Variants in ANKRD31 observed in about 807,000 individuals in gnomAD.
ANKRD31 encodes the protein ankyrin repeat domain 31, also known as ankyrin repeat domain-containing protein 31.
In ANKRD31, 147 loss-of-function variants were observed where a neutral mutation model predicts 186.0. The observed-to-expected ratio is 0.79, with a 90% CI of 0.69 to 0.91. The LOEUF (loss-of-function observed/expected upper bound fraction) is 0.91, where lower values mean the gene tolerates loss of function less well. Among genes scored for constraint, ANKRD31 ranks in the 40% least tolerant of loss-of-function variants. The pLI is 0.00. For synonymous variants in ANKRD31, 673 were observed against 736.4 expected, an observed-to-expected ratio of 0.91 and a Z score of 1.39; for missense variants, 1,986 against 2,148.8, an observed-to-expected ratio of 0.92 and a Z score of 1.50.
intron 11 of ANKRD31, among the ~76,000 whole-genome samples, chr5:75,155,596 G>A (rs1012551598): frequency 6.6e-6 from 1 of 152,056 alleles, no homozygotes; most frequent in East Asian, 1.9e-4. Context: ...GTATTGTTTA[G>A]TAAAAGAATG....
At chr5:75,224,007 T>G (rs564022704) in intron 2 of ANKRD31, among the ~76,000 whole-genome samples, 21 of 151,702 alleles carry the variant, frequency 1.4e-4, no homozygotes, top group Admixed American at 5.9e-4. Context: ...CCTCCAGAAC[T>G]GTGAAAAATA....
In ANKRD31 at chr5:75,206,476, T is replaced by C. The variant is rs747833947; in HGVS notation, c.338A>G (p.Asn113Ser). The change falls in exon 5 of 26, where the codon AAC becomes AGC. Residue 113 changes from asparagine to serine, a missense_variant. By Grantham distance (46) the Asn-to-Ser change is conservative. Transcript: ENST00000506364. ...RNQALLQTRK[N>S]CSMFIGSFRQ... is the part of the protein sequence containing the mutation. The stretch of plus-strand genomic sequence containing the variant: ...AAACGACCCAATGAACATTGAACAG[T>C]TTTTTCTAGTCCTAAAAAATCAATT... The C allele has an allele frequency of 2.8e-6, 4 of 1,438,620 alleles. No homozygotes were observed. The Admixed American group carries it at 1.1e-4, about 40-fold the overall frequency. 89.1% of individuals were successfully genotyped at this position (1,438,620 alleles called of 1,614,324 possible). A position where few individuals can be genotyped will look rare whatever the true frequency, so the allele number is the denominator to read the frequency against.
chr5:75,211,022 T>C lies in ANKRD31; in HGVS notation c.289-157A>G, dbSNP rs78415317. On this transcript the variant is annotated intron_variant, in intron 3 of 25. Coordinates refer to ENST00000506364, the MANE Select transcript of ANKRD31 (RefSeq NM_001372053.1). ...TAAAATTTACTATCTATTTACTATCTGTACATTTTTAAGTGTACAGTTCTC... is the reference window on the plus strand; with the variant it reads ...TAAAATTTACTATCTATTTACTATCCGTACATTTTTAAGTGTACAGTTCTC... 2.4e-3 allele frequency among the ~76,000 whole-genome samples: 369 copies of C among 152,304 alleles called. 9 individuals are homozygous for C. In the East Asian group the frequency reaches 0.062, roughly 25 times the overall value.
intron 25 of ANKRD31, among the ~76,000 whole-genome samples, chr5:75,070,396 T>C (rs114000260): frequency 1.6e-4 from 24 of 152,356 alleles, no homozygotes. Context: ...ACTTAATGCA[T>C]CTACCATAAT....
At chr5:75,199,543 T>C in intron 6 of ANKRD31, 88 bp downstream of exon 6, 1 of 1,082,568 alleles carries the variant, frequency 9.2e-7, no homozygotes, top group Non-Finnish European at 1.3e-6. Flanking sequence ...GGTGAGGGTC[T>C]AAATGAGCTT....
intron 3 of ANKRD31, 95 bp downstream of exon 3, chr5:75,222,154 T>A: frequency 1.1e-6 from 1 of 888,836 alleles, no homozygotes; most frequent in South Asian, 2.2e-5. Context: ...AGAAGCAAAA[T>A]ATAGACAAAA....
At chr5:75,113,582 A>G (rs895834829) in intron 19 of ANKRD31, among the ~76,000 whole-genome samples, 1 of 152,120 alleles carries the variant, frequency 6.6e-6, no homozygotes, top group Non-Finnish European at 1.5e-5. Context: ...GACTCACATT[A>G]CCTATCCTTT....
intron 11 of ANKRD31, among the ~76,000 whole-genome samples, chr5:75,164,546 T>C (rs556837131): frequency 4.9e-4 from 75 of 152,110 alleles, no homozygotes; most frequent in Non-Finnish European, 9.3e-4. Flanking sequence ...TACAGAGGAA[T>C]TGGTAAGTGT....
chr5:75,151,801 T>C (rs913785358), intron 12 of ANKRD31, among the ~76,000 whole-genome samples: 1 of 152,080 alleles, frequency 6.6e-6, no homozygotes, highest in African/African-American at 2.4e-5. Flanking sequence ...TGTCCTGTTA[T>C]CCTCCTGGAC....
intron 22 of ANKRD31, among the ~76,000 whole-genome samples, chr5:75,097,030 G>T (rs1240857861): frequency 6.6e-6 from 1 of 152,104 alleles, no homozygotes; most frequent in African/African-American, 2.4e-5. Flanking sequence ...TGGTATATAT[G>T]TGCCATATTT....
At chr5:75,148,090 G>A (rs1238461973) in intron 13 of ANKRD31, among the ~76,000 whole-genome samples, 29 of 151,734 alleles carry the variant, frequency 1.9e-4, no homozygotes, top group Non-Finnish European at 4.0e-4. Flanking sequence ...GAGAACTATG[G>A]GATGGAAGCA....
At chr5:75,221,270 T>A (rs1368669660) in intron 3 of ANKRD31, among the ~76,000 whole-genome samples, 1 of 152,064 alleles carries the variant, frequency 6.6e-6, no homozygotes, top group Non-Finnish European at 1.5e-5. Flanking sequence ...ACCAAAAAAA[T>A]TGATTCTCAG....
At chr5:75,192,526 T>G in intron 9 of ANKRD31, 141 bp downstream of exon 9, 1 of 654,666 alleles carries the variant, frequency 1.5e-6, no homozygotes, top group Non-Finnish European at 2.6e-6. Flanking sequence ...AGCTGTATGG[T>G]TCTGGGAAAA....
intron 5 of ANKRD31, among the ~76,000 whole-genome samples, chr5:75,202,673 T>C (rs564582273): frequency 7.9e-4 from 120 of 152,370 alleles, no homozygotes; most frequent in South Asian, 7.5e-3. Context: ...GAATTTACCC[T>C]TTGAATTGGG....
intron 17 of ANKRD31, among the ~76,000 whole-genome samples, chr5:75,130,515 T>C (rs1211189398): frequency 1.3e-5 from 2 of 152,148 alleles, no homozygotes; most frequent in Non-Finnish European, 2.9e-5. Context: ...AGCTGACTGG[T>C]CCGTTTTGAC....
At chr5:75,130,080 G>A (rs1042029485) in intron 17 of ANKRD31, among the ~76,000 whole-genome samples, 4 of 152,044 alleles carry the variant, frequency 2.6e-5, no homozygotes, top group African/African-American at 7.2e-5. Flanking sequence ...TCTGATGTTC[G>A]GACGTGTCCA....
At chr5:75,123,594 A>G (rs1748966315) in intron 17 of ANKRD31, among the ~76,000 whole-genome samples, 1 of 152,128 alleles carries the variant, frequency 6.6e-6, no homozygotes, top group African/African-American at 2.4e-5. Flanking sequence ...AAACAGACAC[A>G]TAGATCAAGG....
chr5:75,127,418 A>T (rs1477934), intron 17 of ANKRD31, among the ~76,000 whole-genome samples: 77,106 of 151,822 alleles, frequency 0.51, 22,636 homozygotes, highest in African/African-American at 0.82. Flanking sequence ...AGACATCCTA[A>T]AAGTACAGGA....
At chr5:75,128,932 T>C (rs1270040545) in intron 17 of ANKRD31, among the ~76,000 whole-genome samples, 1 of 152,166 alleles carries the variant, frequency 6.6e-6, no homozygotes, top group African/African-American at 2.4e-5. Flanking sequence ...ATTTGTCTAT[T>C]CTTTTTAAAT....
Sources: gnomAD v4.1 joint callset for allele counts (sites outside exome capture counted in the v4.1 genomes callset) on GRCh38, gnomAD v4.1.1 for gene constraint, MANE v1.5 for transcripts, NCBI Gene and HGNC (gene_info 2026-07-23, HGNC 2026-07-21) for gene names.